FARP1: variants seen among roughly 807,000 people sequenced by gnomAD.
FARP1 encodes FERM, ARH/RhoGEF and pleckstrin domain protein 1, also known as FERM, ARHGEF and pleckstrin domain-containing protein 1.
Under a neutral mutation model 128.8 loss-of-function variants are expected in FARP1, and 52 were observed. The observed-to-expected ratio is 0.40, with a 90% confidence interval of 0.32 to 0.51. The LOEUF (loss-of-function observed/expected upper bound fraction) is 0.51, where lower values mean the gene tolerates loss of function less well. Among genes scored for constraint, FARP1 ranks in the 20% least tolerant of loss-of-function variants. The pLI, the probability that FARP1 is intolerant of heterozygous loss-of-function variation, is 0.45. For synonymous variants in FARP1, 580 were observed against 551.8 expected (o/e 1.05, Z -0.72); for missense variants, 1,333 against 1,367.9 (o/e 0.97, Z 0.40).
In FARP1 at chr13:98,395,348, C is replaced by T. The variant is rs764795561; in HGVS notation, c.1286C>T (p.Ala429Val). The change falls in exon 13 of 27, where the codon GCG becomes GTG. Residue 429 changes from alanine to valine, a missense_variant. This residue lies in a region of FARP1 where 1,009 missense variants were observed against 969.8 expected (regional missense o/e 1.04). Transcript: ENST00000319562. ...AGEPGSHPSP[A>V]PRRSPAGNKQ... ...GAGCCGGGGTCGCACCCGAGCCCTG[C>T]GCCGAGGAGAAGCCCCGCGGGTAAC... The T allele has an allele frequency of 2.5e-6, 4 of 1,611,636 alleles. No homozygotes were observed. Among genetic ancestry groups the T allele is most frequent in the South Asian group, 2.2e-5 (2 of 91,044 alleles).
intron 2 of FARP1, among the ~76,000 whole-genome samples, chr13:98,280,036 G>A (rs1220557676): frequency 6.6e-6 from 1 of 152,086 alleles, no homozygotes; most frequent in Admixed American, 6.5e-5. Context: ...GTGCCCCTGT[G>A]CCCTCCCCTG....
At chr13:98,218,664 A>G (rs369628070) in intron 2 of FARP1, among the ~76,000 whole-genome samples, 4 of 152,088 alleles carry the variant, frequency 2.6e-5, no homozygotes, top group African/African-American at 7.2e-5. Flanking sequence ...GCCACGATTT[A>G]TATGTCCCAT....
chr13:98,344,925 T>C (rs1200736511), intron 3 of FARP1, among the ~76,000 whole-genome samples: 1 of 152,184 alleles, frequency 6.6e-6, no homozygotes, highest in East Asian at 1.9e-4. Flanking sequence ...CAAATCTCAT[T>C]CTGCCTTCTC....
At position 98,176,488 on chromosome 13, in the gene FARP1, T is replaced by C; in HGVS notation, c.-24+32996T>C. ...TATGAAACACCTGAATGGTATTTCCTCTTCCTCGCTTCCCACTTCATGGTT... is the reference window on the plus strand; with the variant it reads ...TATGAAACACCTGAATGGTATTTCCCCTTCCTCGCTTCCCACTTCATGGTT... On this transcript the variant is annotated intron_variant, in intron 1 of 26. Coordinates refer to ENST00000319562, the MANE Select transcript of FARP1 (RefSeq NM_005766.4). The surrounding 1 kb of genome is among the most constrained non-coding windows in gnomAD (Gnocchi z 6.2). 6.2e-7 allele frequency: 1 copy of C among 1,614,210 alleles called. No individual in the cohort carries two copies. Among genetic ancestry groups the C allele is most frequent in the Non-Finnish European group, 8.5e-7 (1 of 1,180,042 alleles).
rs146617403 is a variant in FARP1, at chr13:98,222,358, C to T, written c.171+8945C>T. 7.8e-3 allele frequency among the ~76,000 whole-genome samples: 1,195 copies of T among 152,278 alleles called. 15 individuals carry two copies. The highest frequency in any genetic ancestry group is 0.027 in the African/African-American group (1,141 of 41,544). On this transcript the variant is annotated intron_variant, in intron 2 of 26. Coordinates refer to ENST00000319562, the MANE Select transcript of FARP1 (RefSeq NM_005766.4). Reference sequence around the variant, plus strand: ...CCTTGCTGTGTGCCAGACATTGTGCCAAGTCTGCCCGTACATTATCTCATT... The same window carrying T: ...CCTTGCTGTGTGCCAGACATTGTGCTAAGTCTGCCCGTACATTATCTCATT...
intron 1 of FARP1, among the ~76,000 whole-genome samples, chr13:98,196,203 A>G (rs1240811257): frequency 6.6e-6 from 1 of 152,174 alleles, no homozygotes; most frequent in African/African-American, 2.4e-5. Flanking sequence ...GATTGCATCT[A>G]AAATGACTGA....
chr13:98,379,040 C>A (rs1410186655), intron 6 of FARP1, among the ~76,000 whole-genome samples: 6 of 62,302 alleles, frequency 9.6e-5, no homozygotes, highest in African/African-American at 3.8e-4. Flanking sequence ...ATAATATATA[C>A]AATATGTAAT....
chr13:98,419,661 A>G (rs945520772), intron 16 of FARP1, among the ~76,000 whole-genome samples: 1 of 152,120 alleles, frequency 6.6e-6, no homozygotes. Context: ...ACATAATTTC[A>G]TACTTTTTTC....
At chr13:98,354,885 T>C (rs1888577945) in intron 3 of FARP1, among the ~76,000 whole-genome samples, 1 of 152,214 alleles carries the variant, frequency 6.6e-6, no homozygotes, top group Non-Finnish European at 1.5e-5. Context: ...ACTTGAAACA[T>C]AGCTAGTGCA....
chr13:98,178,422 C>A (rs1039685613), intron 1 of FARP1, among the ~76,000 whole-genome samples: 2 of 152,182 alleles, frequency 1.3e-5, no homozygotes, highest in African/African-American at 4.8e-5. Flanking sequence ...TGTGGAACTC[C>A]TGACCTCAGG....
rs180834132 is a variant in FARP1, at chr13:98,201,799, G to A, written c.-23-11421G>A. Reference sequence around the variant, plus strand: ...TGTTAAAAAATATGGTTGCCAAGAAGGAACAGTGAAGCGAGAATCTTGAGC... The same window carrying A: ...TGTTAAAAAATATGGTTGCCAAGAAAGAACAGTGAAGCGAGAATCTTGAGC... On this transcript the variant is annotated intron_variant, in intron 1 of 26. Coordinates refer to ENST00000319562, the MANE Select transcript of FARP1 (RefSeq NM_005766.4). 2.0e-4 allele frequency among the ~76,000 whole-genome samples: 31 copies of A among 152,304 alleles called. No homozygotes were observed. In the East Asian group the frequency reaches 3.7e-3, roughly 18 times the overall value.
intron 3 of FARP1, among the ~76,000 whole-genome samples, chr13:98,363,764 C>T (rs193164845): frequency 6.6e-5 from 10 of 152,012 alleles, no homozygotes; most frequent in African/African-American, 1.9e-4. Context: ...TTTTTCAAGA[C>T]AGAGTCTCGC....
At position 98,182,460 on chromosome 13, in the gene FARP1, G is replaced by A. The variant is rs142749314; in HGVS notation, c.-23-30760G>A. Among the ~76,000 whole-genome samples the A allele has an allele frequency of 2.2e-3, 330 of 152,118 alleles. 1 individual carries two copies. Among genetic ancestry groups the A allele is most frequent in the African/African-American group, 7.6e-3 (314 of 41,458 alleles). Reference sequence around the variant, plus strand: ...CCTATCTCAGCCTCCTGAGTAGCTGGGACTTACAGGCACACGCCCCCACAC... The same window carrying A: ...CCTATCTCAGCCTCCTGAGTAGCTGAGACTTACAGGCACACGCCCCCACAC... On this transcript the variant is annotated intron_variant, in intron 1 of 26. Transcript: ENST00000319562.
At chr13:98,390,748 T>G in intron 10 of FARP1, 64 bp from the exon 11 acceptor site, 9 of 1,208,884 alleles carry the variant, frequency 7.4e-6, no homozygotes, top group Non-Finnish European at 9.8e-6. Flanking sequence ...TGAAGCATCA[T>G]TTGTGTGTTT....
intron 1 of FARP1, among the ~76,000 whole-genome samples, chr13:98,187,450 A>G (rs966627026): frequency 2.6e-5 from 4 of 152,200 alleles, no homozygotes; most frequent in African/African-American, 7.2e-5. Context: ...CATTTGAGAT[A>G]ATCTTTGATA....
intron 11 of FARP1, 131 bp from the exon 12 acceptor site, chr13:98,393,512 G>A (rs1264742906): frequency 3.2e-5 from 22 of 678,218 alleles, no homozygotes; most frequent in South Asian, 3.4e-5. Flanking sequence ...TTGTAAAGGC[G>A]GCTCTGGGTA....
chr13:98,435,494 T>A, intron 18 of FARP1, 82 bp from the exon 19 acceptor site: 1 of 1,422,690 alleles, frequency 7.0e-7, no homozygotes, highest in Non-Finnish European at 9.6e-7. Flanking sequence ...GTGATTTCCC[T>A]GCAGCGTTGA....
intron 2 of FARP1, among the ~76,000 whole-genome samples, chr13:98,273,906 A>T (rs1018199923): frequency 1.3e-5 from 2 of 152,144 alleles, no homozygotes; most frequent in African/African-American, 4.8e-5. Context: ...CCACAAAAGG[A>T]AGTGTGAGAA....
Position 98,440,212 on chromosome 13 carries a change from T to C in FARP1, c.2606T>C (p.Leu869Pro), listed in dbSNP as rs1892467380. 4 of 1,613,828 alleles carry C rather than the reference T, an allele frequency of 2.5e-6. No individual in the cohort carries two copies. Among genetic ancestry groups the C allele is most frequent in the Non-Finnish European group, 3.4e-6 (4 of 1,179,766 alleles). Reference sequence around the variant, plus strand: ...AGCAGCAGCCCCGCCCCTGAGTTCCTGGCCAGCAGCCCCCCTGACAACAGT... The same window carrying C: ...AGCAGCAGCCCCGCCCCTGAGTTCCCGGCCAGCAGCCCCCCTGACAACAGT... ...EKSSSPAPEF[L>P]ASSPPDNKSP... Residue 869 changes from leucine to proline, a missense_variant, in exon 23 of 27, where the codon CTG becomes CCG. Physicochemically the swap from Leu to Pro is moderately conservative, Grantham distance 98 (BLOSUM62 -3). Coordinates refer to ENST00000319562, the MANE Select transcript of FARP1 (RefSeq NM_005766.4).
Sources: gnomAD v4.1 joint callset for allele counts (sites outside exome capture counted in the v4.1 genomes callset) on GRCh38, gnomAD v4.1.1 for gene constraint, gnomAD v4.1.1 regional missense constraint, Gnocchi (gnomAD v3.1) non-coding constraint, MANE v1.5 for transcripts, NCBI Gene and HGNC (gene_info 2026-07-23, HGNC 2026-07-21) for gene names.